NAP1L4: variants seen among roughly 807,000 people sequenced by gnomAD.
NAP1L4 encodes the protein nucleosome assembly protein 1 like 4, also known as nucleosome assembly protein 1-like 4.
Under a neutral mutation model 58.2 loss-of-function variants are expected in NAP1L4, and 15 were observed. The observed-to-expected ratio is 0.26, with a 90% CI of 0.17 to 0.40. NAP1L4 has a LOEUF of 0.40. Ranked by LOEUF, NAP1L4 falls within the 10% of genes least tolerant of loss-of-function variation. NAP1L4 has a pLI of 1.00. For synonymous variants in NAP1L4, 171 were observed against 155.6 expected (o/e 1.10, Z -0.74); for missense variants, 384 against 451.1 (o/e 0.85, Z 1.35).
intron 7 of NAP1L4, among the ~76,000 whole-genome samples, chr11:2,965,601 T>G (rs1847226215): frequency 6.6e-6 from 1 of 152,058 alleles, no homozygotes; most frequent in Non-Finnish European, 1.5e-5. Context: ...CAGACTGGAG[T>G]GCAATGGTGT....
At chr11:2,972,597 G>A (rs983196366) in intron 4 of NAP1L4, among the ~76,000 whole-genome samples, 12 of 152,200 alleles carry the variant, frequency 7.9e-5, no homozygotes, top group Non-Finnish European at 1.5e-4. Context: ...TAAGGGCCAA[G>A]AAGCCCTCTA....
At chr11:2,960,111 C>G (rs1163256264) in intron 8 of NAP1L4, 9 of 564,408 alleles carry the variant, frequency 1.6e-5, no homozygotes, top group Non-Finnish European at 2.8e-5. Context: ...AATATCTGTT[C>G]AGTTCATGAG....
chr11:2,965,230 C>T (rs1404377841), intron 7 of NAP1L4, among the ~76,000 whole-genome samples: 4 of 152,234 alleles, frequency 2.6e-5, no homozygotes, highest in Non-Finnish European at 5.9e-5. Flanking sequence ...TTGTGCATGG[C>T]TTAACAATGG....
chr11:2,975,214 A>G (rs1460185012), intron 4 of NAP1L4, among the ~76,000 whole-genome samples: 1 of 151,608 alleles, frequency 6.6e-6, no homozygotes, highest in Non-Finnish European at 1.5e-5. Context: ...ACTACTCTGG[A>G]GGCTGAGGTA....
At chr11:2,980,164 A>G (rs530242567) in intron 1 of NAP1L4, among the ~76,000 whole-genome samples, 1 of 152,330 alleles carries the variant, frequency 6.6e-6, no homozygotes, top group East Asian at 1.9e-4. Flanking sequence ...TCTTAAATAG[A>G]AGAACTTGAT....
rs1278638556 is a variant in NAP1L4, at chr11:2,944,957, G to C, written c.*722C>G. The stretch of plus-strand genomic sequence containing the variant: ...GGACGAGCCACAGCGAAAAGCCGCA[G>C]TCCTCACAGGCAAGAAGGGATAAAT... On this transcript the variant is annotated 3_prime_UTR_variant, in exon 16 of 16. Coordinates refer to ENST00000380542, the MANE Select transcript of NAP1L4 (RefSeq NM_005969.4). The C allele has an allele frequency of 6.6e-6, 1 of 152,130 alleles. No homozygotes were observed. The highest frequency in any genetic ancestry group is 1.5e-5 in the Non-Finnish European group (1 of 68,046). 9.4% of individuals were successfully genotyped at this position (152,130 alleles called of 1,614,324 possible).
rs1370893675 is a variant in NAP1L4 at position 2,984,520 on chromosome 11, G to A, written c.-17-5283C>T. Among the ~76,000 whole-genome samples, 10 of 152,068 alleles carry A rather than the reference G, an allele frequency of 6.6e-5. 1 individual carries two copies. The highest frequency in any genetic ancestry group is 2.1e-4 in the South Asian group (1 of 4,826). On this transcript the variant is annotated intron_variant, in intron 1 of 15. Coordinates refer to ENST00000380542, the MANE Select transcript of NAP1L4 (RefSeq NM_005969.4). ...CAGGAGGCGGAAGTTGCAGTGAGCCGAGATCTCGCCATTGCACTCCAGCCT... is the reference window on the plus strand; with the variant it reads ...CAGGAGGCGGAAGTTGCAGTGAGCCAAGATCTCGCCATTGCACTCCAGCCT...
chr11:2,982,172 T>C (rs113949882), intron 1 of NAP1L4, among the ~76,000 whole-genome samples: 2,908 of 152,336 alleles, frequency 0.019, 87 homozygotes, highest in African/African-American at 0.066. Context: ...CAGTTATCCT[T>C]AATTGATATG....
At chr11:2,974,358 T>C (rs1220732938) in intron 4 of NAP1L4, among the ~76,000 whole-genome samples, 2 of 152,172 alleles carry the variant, frequency 1.3e-5, no homozygotes, top group East Asian at 1.9e-4. Flanking sequence ...ATGGCTAATA[T>C]GGAACCACTT....
rs35499396 is a variant in NAP1L4 at position 2,981,418 on chromosome 11, C to CAAAAAAAAAAA, written c.-17-2192_-17-2182dup. On this transcript the variant is annotated intron_variant, in intron 1 of 15. Transcript: ENST00000380542. ...GGACAACAGAGCAAGTACCCTGTCT[C>CAAAAAAAAAAA]AAAAAAAAAAAAAAAAAAAAAAAAA... Among the ~76,000 whole-genome samples the CAAAAAAAAAAA allele has an allele frequency of 1.5e-3, 63 of 41,266 alleles. 4 individuals carry two copies. Among genetic ancestry groups the CAAAAAAAAAAA allele is most frequent in the East Asian group, 3.3e-3 (2 of 602 alleles). 27.1% of individuals were successfully genotyped at this position (41,266 alleles called of 152,430 possible).
rs1846751301 is a variant in NAP1L4 at position 2,959,823 on chromosome 11, T to C, written c.693A>G (p.Pro231=). The change falls in exon 9 of 16, where the codon CCA becomes CCG. Residue 231 remains proline (P), a synonymous_variant. Coordinates refer to ENST00000380542, the MANE Select transcript of NAP1L4 (RefSeq NM_005969.4). The surrounding 1 kb of genome is among the most constrained non-coding windows in gnomAD (Gnocchi z 4.9). ...CAAAGGAAAAGGGATCAGCCTTATC[T>C]GGTTCTGATTTCATCTTGTAGGTTT... ...LTKTYKMKSE[P]DKADPFSFEG... The C allele has an allele frequency of 8.1e-6, 13 of 1,614,138 alleles. No individual in the cohort carries two copies. Among genetic ancestry groups the C allele is most frequent in the South Asian group, 1.1e-5 (1 of 91,092 alleles).
In NAP1L4 at chr11:2,959,876, C is replaced by T. The variant is rs1564977519; in HGVS notation, c.640G>A (p.Asp214Asn). The T allele has an allele frequency of 3.1e-6, 5 of 1,614,110 alleles. No individual in the cohort carries two copies. The highest frequency in any genetic ancestry group is 2.2e-5 in the East Asian group (1 of 44,882). The change falls in exon 9 of 16, where the codon GAC (aspartate) becomes AAC (asparagine). Residue 214 changes from aspartate to asparagine, a missense_variant. Asp to Asn is a conservative substitution (Grantham distance 23). Around this residue, in one of 3 missense-constraint regions of NAP1L4, gnomAD observed 296 missense variants for 360.8 expected, o/e 0.82. Transcript: ENST00000380542. This position sits in a 1 kb window ranked among gnomAD's most constrained non-coding sequence, Gnocchi z 4.9. ...FVLEFHFEPN[D>N]YFTNSVLTKT... ...GTCAGGACTGAGTTGGTAAAGTAGT[C>T]GTTGGGTTCAAAGTGGAACTCTAAC...
intron 8 of NAP1L4, among the ~76,000 whole-genome samples, chr11:2,960,325 A>G (rs1846802665): frequency 6.6e-6 from 1 of 152,166 alleles, no homozygotes; most frequent in South Asian, 2.1e-4. Flanking sequence ...TGCTGGGGGA[A>G]GCCAGGGTCT....
In NAP1L4 at chr11:2,951,766, A is replaced by T. The variant is rs1846242370; in HGVS notation, c.1065+14T>A. The T allele has an allele frequency of 6.2e-7, 1 of 1,613,616 alleles. No homozygotes were observed. Among genetic ancestry groups the T allele is most frequent in the African/African-American group, 1.3e-5 (1 of 74,918 alleles). ...TCAGGGAGGTAAGTGGCACTGCATAAACCTGTCTCTTACCTCCTCTTCTCC... is the reference window on the plus strand; with the variant it reads ...TCAGGGAGGTAAGTGGCACTGCATATACCTGTCTCTTACCTCCTCTTCTCC... On this transcript the variant is annotated intron_variant, in intron 13 of 15. Transcript: ENST00000380542. This position sits in a 1 kb window ranked among gnomAD's most constrained non-coding sequence, Gnocchi z 4.0.
chr11:2,978,398 G>A lies in NAP1L4; in HGVS notation c.15-56C>T, dbSNP rs982782225. ...CTGTAAAGAAAGTTCCAAAGACATA[G>A]CACAAATGGACATGTTTCTTATTCA... On this transcript the variant is annotated intron_variant, in intron 2 of 15. Coordinates refer to ENST00000380542, the MANE Select transcript of NAP1L4 (RefSeq NM_005969.4). The A allele has an allele frequency of 4.6e-5, 69 of 1,486,368 alleles. No individual in the cohort carries two copies. The East Asian group carries it at 1.5e-3, about 31-fold the overall frequency. 92.1% of individuals were successfully genotyped at this position (1,486,368 alleles called of 1,614,324 possible).
In NAP1L4 at chr11:2,959,033, TAACACAC is replaced by T; in HGVS notation, c.747-496_747-490del. The stretch of plus-strand genomic sequence containing the variant: ...AGGGCTGAGCACAGCACGCTCTCTC[TAACACAC>T]AATCACCACAGACCCAGGCAACACC... On this transcript the variant is annotated intron_variant, in intron 9 of 15. Coordinates refer to ENST00000380542, the MANE Select transcript of NAP1L4 (RefSeq NM_005969.4). The surrounding 1 kb of genome is among the most constrained non-coding windows in gnomAD (Gnocchi z 4.9). The T allele has an allele frequency of 1.2e-5, 2 of 165,986 alleles. No homozygotes were observed. Among genetic ancestry groups the T allele is most frequent in the South Asian group, 1.5e-4 (1 of 6,822 alleles). 10.3% of individuals were successfully genotyped at this position (165,986 alleles called of 1,614,324 possible).
At chr11:2,977,675 T>C (rs1257657648) in intron 3 of NAP1L4, among the ~76,000 whole-genome samples, 1 of 152,150 alleles carries the variant, frequency 6.6e-6, no homozygotes, top group Non-Finnish European at 1.5e-5. Context: ...TTAAGTTTCT[T>C]GGTAATGACA....
intron 1 of NAP1L4, chr11:2,990,769 C>T (rs565243192): frequency 6.7e-4 from 121 of 180,746 alleles, no homozygotes; most frequent in African/African-American, 2.7e-3. Flanking sequence ...AAAACAATAG[C>T]ATCTATCTCA....
Position 2,946,516 on chromosome 11 carries a change from A to T in NAP1L4, c.*33-870T>A, listed in dbSNP as rs1363260500. The stretch of plus-strand genomic sequence containing the variant: ...ACCTGTAACCTATGATTTCTGGCTA[A>T]GATTACAAATTGCCCTTAATCCAGC... On this transcript the variant is annotated intron_variant, in intron 15 of 15. Coordinates refer to ENST00000380542, the MANE Select transcript of NAP1L4 (RefSeq NM_005969.4). The surrounding 1 kb of genome is among the most constrained non-coding windows in gnomAD (Gnocchi z 4.8). Among the ~76,000 whole-genome samples the T allele has an allele frequency of 6.6e-6, 1 of 152,192 alleles. No homozygotes were observed. Among genetic ancestry groups the T allele is most frequent in the Non-Finnish European group, 1.5e-5 (1 of 68,028 alleles).
Sources: gnomAD v4.1 joint callset for allele counts (sites outside exome capture counted in the v4.1 genomes callset) on GRCh38, gnomAD v4.1.1 for gene constraint, gnomAD v4.1.1 regional missense constraint, Gnocchi (gnomAD v3.1) non-coding constraint, MANE v1.5 for transcripts, NCBI Gene and HGNC (gene_info 2026-07-23, HGNC 2026-07-21) for gene names.